CDH13: variants seen among roughly 807,000 people sequenced by gnomAD.
CDH13 encodes cadherin 13.
Under a neutral mutation model 63.8 loss-of-function variants are expected in CDH13, and 24 were observed. The observed-to-expected ratio is 0.38, with a 90% confidence interval of 0.27 to 0.53. The LOEUF (loss-of-function observed/expected upper bound fraction) is 0.53. Ranked by LOEUF, CDH13 falls within the 20% of genes least tolerant of loss-of-function variation. The pLI is 0.85. For synonymous variants in CDH13, 503 were observed against 355.3 expected (o/e 1.42, Z -4.67); for missense variants, 1,049 against 903.1 (o/e 1.16, Z -2.07).
At chr16:83,742,247 C>G (rs1336752755) in intron 10 of CDH13, among the ~76,000 whole-genome samples, 1 of 152,180 alleles carries the variant, frequency 6.6e-6, no homozygotes, top group Non-Finnish European at 1.5e-5. Context: ...GTGAGCCCGC[C>G]TTCCAGGGTG....
chr16:82,947,727 A>G (rs910365843), intron 2 of CDH13, among the ~76,000 whole-genome samples: 3 of 152,230 alleles, frequency 2.0e-5, no homozygotes, highest in Non-Finnish European at 2.9e-5. Context: ...GAATCCCACT[A>G]CAGTCAAATT....
intron 7 of CDH13, among the ~76,000 whole-genome samples, chr16:83,521,820 G>A (rs1046354545): frequency 6.6e-6 from 1 of 152,180 alleles, no homozygotes; most frequent in Non-Finnish European, 1.5e-5. Context: ...CTTGACCTGA[G>A]TGACCTTGAA....
chr16:83,714,294 A>G (rs548575711), intron 10 of CDH13, among the ~76,000 whole-genome samples: 4 of 152,164 alleles, frequency 2.6e-5, no homozygotes, highest in Non-Finnish European at 4.4e-5. Context: ...TGTCCCTAAA[A>G]GATTGATTTT....
intron 5 of CDH13, among the ~76,000 whole-genome samples, chr16:83,268,609 A>G (rs1322254472): frequency 6.6e-6 from 1 of 152,192 alleles, no homozygotes; most frequent in Non-Finnish European, 1.5e-5. Context: ...TTGACAGCAC[A>G]AGTGACATGA....
intron 5 of CDH13, among the ~76,000 whole-genome samples, chr16:83,245,025 C>A (rs1013534959): frequency 3.3e-5 from 5 of 152,080 alleles, no homozygotes; most frequent in African/African-American, 9.7e-5. Flanking sequence ...AATCATCATT[C>A]CCAAATACCA....
intron 7 of CDH13, among the ~76,000 whole-genome samples, chr16:83,534,506 T>G (rs8062470): frequency 0.023 from 3,436 of 152,350 alleles, 149 homozygotes; most frequent in African/African-American, 0.079. Flanking sequence ...CTCCTCTTCC[T>G]GGCTAGCACC....
intron 11 of CDH13, among the ~76,000 whole-genome samples, chr16:83,756,157 T>G (rs369723692): frequency 1.1e-3 from 167 of 152,158 alleles, no homozygotes; most frequent in African/African-American, 3.8e-3. Flanking sequence ...GGAAATAGGT[T>G]TGACTAATCC....
chr16:83,426,493 A>G (rs1295973960), intron 6 of CDH13, among the ~76,000 whole-genome samples: 1 of 143,968 alleles, frequency 6.9e-6, no homozygotes, highest in Non-Finnish European at 1.5e-5. Flanking sequence ...CATGGAAACA[A>G]CTCCCATGGA....
intron 8 of CDH13, among the ~76,000 whole-genome samples, chr16:83,665,378 T>C (rs1356839327): frequency 1.3e-5 from 2 of 152,214 alleles, no homozygotes; most frequent in Non-Finnish European, 2.9e-5. Context: ...TTGTTATACA[T>C]ATGCCAGGCT....
intron 10 of CDH13, among the ~76,000 whole-genome samples, chr16:83,696,256 T>A (rs894037781): frequency 2.4e-4 from 36 of 152,302 alleles, no homozygotes; most frequent in South Asian, 6.2e-4. Context: ...ACTATTTTTT[T>A]AAAAAGTCAT....
chr16:83,124,841 T>G (rs529429023), intron 3 of CDH13, among the ~76,000 whole-genome samples: 1 of 152,318 alleles, frequency 6.6e-6, no homozygotes, highest in Admixed American at 6.5e-5. Flanking sequence ...GTTGTAGGTA[T>G]GTGGCTTTAG....
chr16:83,079,833 A>T (rs1376791904), intron 3 of CDH13, among the ~76,000 whole-genome samples: 1 of 152,244 alleles, frequency 6.6e-6, no homozygotes, highest in Admixed American at 6.5e-5. Context: ...TTGGAAAATA[A>T]TAAGTTACAT....
At chr16:82,864,598 C>T (rs181221110) in intron 2 of CDH13, among the ~76,000 whole-genome samples, 14 of 152,058 alleles carry the variant, frequency 9.2e-5, no homozygotes, top group South Asian at 2.1e-4. Flanking sequence ...GAAAACTGCC[C>T]CCGTAATTCA....
chr16:82,740,121 C>T (rs755449378), intron 1 of CDH13, among the ~76,000 whole-genome samples: 1 of 152,086 alleles, frequency 6.6e-6, no homozygotes, highest in African/African-American at 2.4e-5. Flanking sequence ...ATAAGACTGA[C>T]CAGAAGGAGG....
intron 1 of CDH13, among the ~76,000 whole-genome samples, chr16:82,783,690 G>A (rs1047499555): frequency 2.6e-5 from 4 of 152,146 alleles, no homozygotes; most frequent in Admixed American, 6.5e-5. Context: ...AGGACTTCTC[G>A]GCTACATATG....
At chr16:83,503,582 G>A (rs1453245407) in intron 7 of CDH13, among the ~76,000 whole-genome samples, 1 of 152,140 alleles carries the variant, frequency 6.6e-6, no homozygotes, top group Non-Finnish European at 1.5e-5. Flanking sequence ...GAGGAAAAGG[G>A]AAGGGGCAGG....
chr16:82,677,788 T>C (rs1426438360), intron 1 of CDH13, among the ~76,000 whole-genome samples: 2 of 152,166 alleles, frequency 1.3e-5, no homozygotes, highest in Non-Finnish European at 2.9e-5. Flanking sequence ...CCCCCTCCAA[T>C]TTTTCTCCTC....
At chr16:83,684,661 C>G (rs1904286672) in intron 10 of CDH13, among the ~76,000 whole-genome samples, 1 of 152,216 alleles carries the variant, frequency 6.6e-6, no homozygotes, top group Non-Finnish European at 1.5e-5. Context: ...ACAGCAGAGA[C>G]TTCTGCCTAC....
At chr16:82,889,077 G>C (rs768903118) in intron 2 of CDH13, among the ~76,000 whole-genome samples, 10 of 152,174 alleles carry the variant, frequency 6.6e-5, no homozygotes, top group Non-Finnish European at 1.3e-4. Context: ...CTTCTCTAAT[G>C]AATGAGAGTC....
Sources: gnomAD v4.1 joint callset for allele counts (sites outside exome capture counted in the v4.1 genomes callset) on GRCh38, gnomAD v4.1.1 for gene constraint, MANE v1.5 for transcripts, NCBI Gene and HGNC (gene_info 2026-07-23, HGNC 2026-07-21) for gene names.